CAMSAP2: variants seen among roughly 807,000 people sequenced by gnomAD.
CAMSAP2 encodes calmodulin-regulated spectrin-associated protein 2.
A neutral mutation model predicts 146.1 loss-of-function variants in CAMSAP2; 26 were observed. The ratio of observed to expected loss-of-function variants is 0.18; its 90% confidence interval spans 0.13 to 0.25. The LOEUF (loss-of-function observed/expected upper bound fraction) is 0.25, where lower values mean the gene tolerates loss of function less well. CAMSAP2 is among the 10% of genes least tolerant of loss of function. The pLI, the probability that CAMSAP2 is intolerant of heterozygous loss-of-function variation, is 1.00. For synonymous variants in CAMSAP2, 499 were observed against 596.6 expected, an observed-to-expected ratio of 0.84 and a Z score of 2.38; for missense variants, 1,381 against 1,759.3, an observed-to-expected ratio of 0.78 and a Z score of 3.85.
intron 3 of CAMSAP2, among the ~76,000 whole-genome samples, chr1:200,813,540 A>G (rs1666392120): frequency 6.6e-6 from 1 of 152,196 alleles, no homozygotes; most frequent in Non-Finnish European, 1.5e-5. Flanking sequence ...TTTGTAGTCC[A>G]TTGTATACCT....
intron 2 of CAMSAP2, among the ~76,000 whole-genome samples, chr1:200,775,023 A>G (rs769651572): frequency 1.1e-4 from 17 of 152,232 alleles, no homozygotes; most frequent in Non-Finnish European, 1.0e-4. Context: ...CAATTAGACA[A>G]ATTGTAACAA....
chr1:200,860,664 T>C lies in CAMSAP2; in HGVS notation c.*2605T>C, dbSNP rs1166913495. 6.6e-6 allele frequency: 1 copy of C among 152,336 alleles called. No individual in the cohort carries two copies. The allele number at this position is 152,336 out of a possible 1,614,324, so 9.4% of individuals were successfully genotyped here. On this transcript the variant is annotated 3_prime_UTR_variant, in exon 17 of 17. Transcript: ENST00000358823. Reference sequence around the variant, plus strand: ...ATACTTGCTATTTCCTGGTACAGTGTAGTTTTTCCCCTTTCATTTGAATAA... The same window carrying C: ...ATACTTGCTATTTCCTGGTACAGTGCAGTTTTTCCCCTTTCATTTGAATAA...
intron 7 of CAMSAP2, among the ~76,000 whole-genome samples, chr1:200,843,846 T>G (rs1013672957): frequency 2.9e-4 from 44 of 152,142 alleles, no homozygotes; most frequent in Admixed American, 8.5e-4. Context: ...TTTGTTTTTT[T>G]TTTGTTTGTT....
At chr1:200,756,967 G>T (rs1176272619) in intron 1 of CAMSAP2, among the ~76,000 whole-genome samples, 3 of 151,542 alleles carry the variant, frequency 2.0e-5, no homozygotes, top group Middle Eastern at 3.4e-3. Flanking sequence ...CTTTTTTTTT[G>T]TTTGTTTGCC....
At chr1:200,807,335 A>G (rs780126552) in intron 2 of CAMSAP2, 41 bp from the exon 3 acceptor site, 3 of 1,391,902 alleles carry the variant, frequency 2.2e-6, no homozygotes, top group Middle Eastern at 1.9e-4. Context: ...CAATTTCTAA[A>G]TATAATTTTT....
intron 1 of CAMSAP2, among the ~76,000 whole-genome samples, chr1:200,742,659 A>G (rs1664213715): frequency 6.6e-6 from 1 of 152,180 alleles, no homozygotes; most frequent in South Asian, 2.1e-4. Context: ...AGCTTTCAAT[A>G]TGATTTACTA....
chr1:200,739,576 G>C lies in CAMSAP2; in HGVS notation c.-252G>C. 1 of 200,700 alleles carries C rather than the reference G, an allele frequency of 5.0e-6. No individual in the cohort carries two copies. The highest frequency in any genetic ancestry group is 9.8e-6 in the Non-Finnish European group (1 of 102,064). 12.4% of individuals were successfully genotyped at this position (200,700 alleles called of 1,614,324 possible). ...CGCGGGCACGGGGCGGACCTCGCGC[G>C]GACGGACGGACGGAGACGGCGCCGC... On this transcript the variant is annotated 5_prime_UTR_variant, in exon 1 of 17. Coordinates refer to ENST00000358823, the MANE Select transcript of CAMSAP2 (RefSeq NM_203459.4). The surrounding 1 kb of genome is among the most constrained non-coding windows in gnomAD (Gnocchi z 4.8).
At chr1:200,791,174 C>T (rs1665742171) in intron 2 of CAMSAP2, among the ~76,000 whole-genome samples, 1 of 152,168 alleles carries the variant, frequency 6.6e-6, no homozygotes, top group African/African-American at 2.4e-5. Context: ...GTTATTTTTG[C>T]TGAGTAAGAT....
At chr1:200,806,420 A>G (rs1290388308) in intron 2 of CAMSAP2, among the ~76,000 whole-genome samples, 1 of 152,182 alleles carries the variant, frequency 6.6e-6, no homozygotes, top group Non-Finnish European at 1.5e-5. Context: ...AATAATATCT[A>G]ATGTTGTCAA....
intron 2 of CAMSAP2, among the ~76,000 whole-genome samples, chr1:200,784,394 T>C (rs1665528326): frequency 6.6e-6 from 1 of 152,244 alleles, no homozygotes; most frequent in Admixed American, 6.5e-5. Flanking sequence ...TTTAACAATT[T>C]GTGTCTTCCA....
In CAMSAP2 at chr1:200,857,431, A is replaced by G; in HGVS notation, c.4131+7A>G. 6.4e-7 allele frequency: 1 copy of G among 1,573,132 alleles called. No homozygotes were observed. The highest frequency in any genetic ancestry group is 8.7e-7 in the Non-Finnish European group (1 of 1,143,184). On this transcript the variant is annotated splice_region_variant and intron_variant, in intron 16 of 16. Coordinates refer to ENST00000358823, the MANE Select transcript of CAMSAP2 (RefSeq NM_203459.4). This position sits in a 1 kb window ranked among gnomAD's most constrained non-coding sequence, Gnocchi z 4.7. ...GAAGAAAAAAATACTGGAGGTAAGC[A>G]TGTTTGCATGAAAATTAAATTTGGC...
chr1:200,773,361 C>T (rs976817300), intron 2 of CAMSAP2, among the ~76,000 whole-genome samples: 1 of 152,090 alleles, frequency 6.6e-6, no homozygotes, highest in Non-Finnish European at 1.5e-5. Flanking sequence ...TCAGGTGATT[C>T]TCTTGCCTCA....
In CAMSAP2 at chr1:200,844,800, T is replaced by C. The variant is rs1302875282; in HGVS notation, c.1040T>C (p.Met347Thr). Residue 347 changes from methionine to threonine, a missense_variant, in exon 8 of 17, where the codon ATG becomes ACG. Transcript: ENST00000358823. ...ATTCCAGCTGAACCTGTAAAAGATA[T>C]GCCTTCAATTCCTGTCTTGAATGCT... ...RPQGAEPVKD[M>T]PSIPVLNAAK... The C allele has an allele frequency of 1.3e-6, 2 of 1,590,422 alleles. No individual in the cohort carries two copies. Among genetic ancestry groups the C allele is most frequent in the Non-Finnish European group, 8.5e-7 (1 of 1,171,176 alleles).
At chr1:200,845,377 G>A (rs1012935746) in intron 8 of CAMSAP2, among the ~76,000 whole-genome samples, 2 of 151,904 alleles carry the variant, frequency 1.3e-5, no homozygotes, top group East Asian at 1.9e-4. Flanking sequence ...TTAACAAGAC[G>A]AGGATTTTAT....
At chr1:200,771,939 G>A (rs1571737370) in intron 2 of CAMSAP2, among the ~76,000 whole-genome samples, 1 of 152,158 alleles carries the variant, frequency 6.6e-6, no homozygotes, top group Admixed American at 6.5e-5. Context: ...TAATTTAACA[G>A]GGTTAGATTC....
At chr1:200,841,195 G>A (rs1232191382) in intron 6 of CAMSAP2, among the ~76,000 whole-genome samples, 1 of 152,034 alleles carries the variant, frequency 6.6e-6, no homozygotes, top group Non-Finnish European at 1.5e-5. Flanking sequence ...TTTAGTTTTG[G>A]TGTTATTTAG....
At chr1:200,774,964 C>T (rs73086648) in intron 2 of CAMSAP2, among the ~76,000 whole-genome samples, 15,327 of 152,184 alleles carry the variant, frequency 0.1, 873 homozygotes, top group Middle Eastern at 0.14. Context: ...ACAGACCAAG[C>T]CCCTGCTTTC....
chr1:200,827,843 A>G (rs1422343074), intron 4 of CAMSAP2, among the ~76,000 whole-genome samples: 1 of 152,198 alleles, frequency 6.6e-6, no homozygotes, highest in Non-Finnish European at 1.5e-5. Context: ...ATAAACAAAC[A>G]CAAATGATTA....
chr1:200,853,560 A>G lies in CAMSAP2; in HGVS notation c.3823+65A>G, dbSNP rs1667679003. 3 of 1,302,338 alleles carry G rather than the reference A, an allele frequency of 2.3e-6. No homozygotes were observed. In the Admixed American group the frequency reaches 5.9e-5, roughly 26 times the overall value. 80.7% of individuals were successfully genotyped at this position (1,302,338 alleles called of 1,614,324 possible). A position where few individuals can be genotyped will look rare whatever the true frequency, so the allele number is the denominator to read the frequency against. On this transcript the variant is annotated intron_variant, in intron 13 of 16. Transcript: ENST00000358823. The surrounding 1 kb of genome is among the most constrained non-coding windows in gnomAD (Gnocchi z 5.1). ...ACCAGCTTGATTGGTTTGTCATACT[A>G]ACTTGGTTGTACTTTGATGTGCAAA... is the stretch of plus-strand genomic sequence containing the variant.
Sources: allele counts gnomAD v4.1 joint callset (sites outside exome capture counted in the v4.1 genomes callset), GRCh38; gene constraint gnomAD v4.1.1; non-coding constraint Gnocchi (gnomAD v3.1); transcripts MANE v1.5; gene names NCBI Gene and HGNC (gene_info 2026-07-23, HGNC 2026-07-21).